ADARB2: variants seen among roughly 807,000 people sequenced by gnomAD.
The protein encoded by ADARB2 is adenosine deaminase RNA specific B2 (inactive).
In ADARB2, 25 loss-of-function variants were observed where a neutral mutation model predicts 62.2. That is an observed-to-expected ratio of 0.40 (90% CI 0.29 to 0.56). ADARB2 has a LOEUF of 0.56. Ranked by LOEUF, ADARB2 falls within the 20% of genes least tolerant of loss-of-function variation. ADARB2 has a pLI of 0.43. For missense variants in ADARB2, 1,071 were observed against 1,077.4 expected, an observed-to-expected ratio of 0.99 and a Z score of 0.08; for synonymous variants, 572 against 500.8, an observed-to-expected ratio of 1.14 and a Z score of -1.90.
chr10:1,442,986 G>A (rs1830923133), intron 1 of ADARB2, among the ~76,000 whole-genome samples: 1 of 152,176 alleles, frequency 6.6e-6, no homozygotes, highest in Non-Finnish European at 1.5e-5. Flanking sequence ...TGGGACAAGA[G>A]CAAAGAGGGA....
At chr10:1,312,647 A>G (rs1350856884) in intron 3 of ADARB2, among the ~76,000 whole-genome samples, 1 of 152,186 alleles carries the variant, frequency 6.6e-6, no homozygotes, top group Non-Finnish European at 1.5e-5. Flanking sequence ...AGGCGCTGCC[A>G]CGTTTCCCAT....
In ADARB2 at chr10:1,196,128, C is replaced by T. The variant is rs541078465; in HGVS notation, c.1864+3838G>A. Among the ~76,000 whole-genome samples the T allele has an allele frequency of 7.2e-5, 11 of 151,982 alleles. No individual in the cohort carries two copies. The East Asian group carries it at 7.7e-4, about 11-fold the overall frequency. On this transcript the variant is annotated intron_variant, in intron 8 of 9. Transcript: ENST00000381312. The stretch of plus-strand genomic sequence containing the variant: ...ATTCCCTCATTCCTCTAGGACTCTG[C>T]GCAGTGTCACCGCCACACTGAGAGT...
intron 1 of ADARB2, among the ~76,000 whole-genome samples, chr10:1,486,176 A>C (rs1564304746): frequency 6.6e-6 from 1 of 150,874 alleles, no homozygotes; most frequent in Non-Finnish European, 1.5e-5. Context: ...AACACAATGA[A>C]AATGTGTGTG....
intron 4 of ADARB2, among the ~76,000 whole-genome samples, chr10:1,248,113 G>T (rs1247361765): frequency 6.6e-6 from 1 of 152,222 alleles, no homozygotes; most frequent in African/African-American, 2.4e-5. Context: ...AGACAGGATG[G>T]GGCAGCAAAG....
chr10:1,325,378 C>T (rs962790708), intron 3 of ADARB2, among the ~76,000 whole-genome samples: 1 of 152,144 alleles, frequency 6.6e-6, no homozygotes, highest in Non-Finnish European at 1.5e-5. Flanking sequence ...CTCTCACCTC[C>T]TATGTTTTAG....
chr10:1,388,625 G>A (rs1033371760), intron 1 of ADARB2, among the ~76,000 whole-genome samples: 4 of 151,528 alleles, frequency 2.6e-5, no homozygotes, highest in African/African-American at 4.8e-5. Flanking sequence ...TGGACAAAAA[G>A]GTATAAAATA....
intron 1 of ADARB2, among the ~76,000 whole-genome samples, chr10:1,548,489 A>G (rs1832560355): frequency 6.6e-6 from 1 of 152,088 alleles, no homozygotes; most frequent in African/African-American, 2.4e-5. Context: ...GTCCAGAGAC[A>G]GTGATGACAA....
chr10:1,233,456 T>C (rs1243785843), intron 6 of ADARB2, among the ~76,000 whole-genome samples: 1 of 152,208 alleles, frequency 6.6e-6, no homozygotes, highest in African/African-American at 2.4e-5. Context: ...CAGAGAACTA[T>C]GGCAATTAGG....
chr10:1,731,879 T>C lies in ADARB2; in HGVS notation c.100+5172A>G, dbSNP rs550313663. Among the ~76,000 whole-genome samples the C allele has an allele frequency of 1.5e-4, 23 of 152,296 alleles. 1 individual carries two copies. The South Asian group carries it at 4.6e-3, about 30-fold the overall frequency. ...CTTGGCATTCATTCACCTTTATTCG[T>C]ATATTCGGTTTCAAAATGGCAATAA... On this transcript the variant is annotated intron_variant, in intron 1 of 9. Coordinates refer to ENST00000381312, the MANE Select transcript of ADARB2 (RefSeq NM_018702.4).
At chr10:1,584,620 C>T (rs1234309915) in intron 1 of ADARB2, among the ~76,000 whole-genome samples, 1 of 152,204 alleles carries the variant, frequency 6.6e-6, no homozygotes, top group Non-Finnish European at 1.5e-5. Flanking sequence ...AAACTTATGT[C>T]CACGCAAAAA....
chr10:1,651,895 G>A (rs2119073644), intron 1 of ADARB2, among the ~76,000 whole-genome samples: 1 of 152,278 alleles, frequency 6.6e-6, no homozygotes, highest in African/African-American at 2.4e-5. Context: ...CTGCCCAGGA[G>A]AGACCGCTAT....
At chr10:1,205,264 G>A (rs941780838) in intron 7 of ADARB2, among the ~76,000 whole-genome samples, 4 of 151,354 alleles carry the variant, frequency 2.6e-5, no homozygotes, top group Non-Finnish European at 5.9e-5. Context: ...GGGCCTTGTT[G>A]TTTTAGGGCC....
intron 1 of ADARB2, among the ~76,000 whole-genome samples, chr10:1,526,479 G>A (rs1832144496): frequency 6.6e-6 from 1 of 152,116 alleles, no homozygotes; most frequent in African/African-American, 2.4e-5. Flanking sequence ...GATTATCTTG[G>A]TGCTGTCCTC....
intron 1 of ADARB2, among the ~76,000 whole-genome samples, chr10:1,621,803 A>G (rs931914353): frequency 1.3e-5 from 2 of 152,260 alleles, no homozygotes; most frequent in African/African-American, 4.8e-5. Flanking sequence ...CAAATTATCC[A>G]TGGATTCAAT....
intron 1 of ADARB2, among the ~76,000 whole-genome samples, chr10:1,522,279 C>T (rs1832082355): frequency 6.6e-6 from 1 of 152,138 alleles, no homozygotes; most frequent in Admixed American, 6.5e-5. Flanking sequence ...ACCAGATAGA[C>T]AGGGATCAGA....
At chr10:1,232,576 G>C (rs1428366620) in intron 6 of ADARB2, among the ~76,000 whole-genome samples, 1 of 147,338 alleles carries the variant, frequency 6.8e-6, no homozygotes, top group East Asian at 2.1e-4. Flanking sequence ...TGTGTGTGGT[G>C]TGTGGTATGC....
chr10:1,529,928 C>T lies in ADARB2; in HGVS notation c.101-150768G>A, dbSNP rs887677228. The stretch of plus-strand genomic sequence containing the variant: ...GACACCCATCCACTGAACCCTGCCA[C>T]TGCAGGGACCCATTCACTGCCCCTG... On this transcript the variant is annotated intron_variant, in intron 1 of 9. Transcript: ENST00000381312. Among the ~76,000 whole-genome samples the T allele has an allele frequency of 2.0e-5, 3 of 152,156 alleles. No homozygotes were observed. The South Asian group carries it at 6.2e-4, about 31-fold the overall frequency.
chr10:1,665,351 G>C (rs534220534), intron 1 of ADARB2, among the ~76,000 whole-genome samples: 1 of 152,370 alleles, frequency 6.6e-6, no homozygotes, highest in East Asian at 1.9e-4. Flanking sequence ...GCGTGGCTGG[G>C]GGAGACGCCA....
At chr10:1,194,913 C>T (rs1028519699) in intron 8 of ADARB2, among the ~76,000 whole-genome samples, 3 of 152,052 alleles carry the variant, frequency 2.0e-5, no homozygotes, top group Admixed American at 1.3e-4. Context: ...CCTGTGTCTG[C>T]TTGTTTTTTG....
Sources: gnomAD v4.1 joint callset for allele counts (sites outside exome capture counted in the v4.1 genomes callset) on GRCh38, gnomAD v4.1.1 for gene constraint, MANE v1.5 for transcripts, NCBI Gene and HGNC (gene_info 2026-07-23, HGNC 2026-07-21) for gene names.